Variants in ANXA5 observed in about 807,000 individuals in gnomAD.
ANXA5 encodes CBP-I.
ANXA5 carries 40 observed loss-of-function variants against 48.1 expected under a neutral mutation model. The ratio of observed to expected loss-of-function variants is 0.83; its 90% CI spans 0.65 to 1.08. The LOEUF is 1.08. Among genes scored for constraint, ANXA5 ranks in the 50% least tolerant of loss-of-function variants. The pLI is 0.00. For missense variants in ANXA5, 357 were observed against 376.8 expected (o/e 0.95, Z 0.44); for synonymous variants, 113 against 129.1 (o/e 0.88, Z 0.85).
Position 121,696,633 on chromosome 4 carries a change from G to C in ANXA5, c.-35-9C>G. 3.6e-6 allele frequency: 5 copies of C among 1,379,778 alleles called. No homozygotes were observed. The highest frequency in any genetic ancestry group is 4.7e-6 in the Non-Finnish European group (5 of 1,055,938). 85.5% of individuals were successfully genotyped at this position (1,379,778 alleles called of 1,614,324 possible). On this transcript the variant is annotated splice_polypyrimidine_tract_variant and intron_variant, in intron 1 of 12. Transcript: ENST00000296511. ...GGGAAGGTGAAGCAGGACTGCAAAAGAGAAGAAACCTCGGGCTTAGCGCGC... is the reference window on the plus strand; with the variant it reads ...GGGAAGGTGAAGCAGGACTGCAAAACAGAAGAAACCTCGGGCTTAGCGCGC...
Position 121,684,663 on chromosome 4 carries a change from A to G in ANXA5, c.189+14T>C. ...TGTTCTCCCATTCTCTCTTGGGATG[A>G]AGTGTGGTCTTACCCTGCCAAACAG... is the stretch of plus-strand genomic sequence containing the variant. On this transcript the variant is annotated intron_variant, in intron 4 of 12. Coordinates refer to ENST00000296511, the MANE Select transcript of ANXA5 (RefSeq NM_001154.4). The G allele has an allele frequency of 6.2e-7, 1 of 1,608,896 alleles. No homozygotes were observed. Among genetic ancestry groups the G allele is most frequent in the Non-Finnish European group, 8.5e-7 (1 of 1,175,802 alleles).
At position 121,689,215 on chromosome 4, in the gene ANXA5, T is replaced by C. The variant is rs192222412; in HGVS notation, c.10-2843A>G. Reference sequence around the variant, plus strand: ...TTCTCTTTAATGAGACCACTTCAAATTGATCAGTATCATTGTAAAAATGAA... The same window carrying C: ...TTCTCTTTAATGAGACCACTTCAAACTGATCAGTATCATTGTAAAAATGAA... On this transcript the variant is annotated intron_variant, in intron 2 of 12. Coordinates refer to ENST00000296511, the MANE Select transcript of ANXA5 (RefSeq NM_001154.4). Among the ~76,000 whole-genome samples the C allele has an allele frequency of 1.7e-3, 259 of 152,330 alleles. 1 individual carries two copies. The highest frequency in any genetic ancestry group is 6.8e-3 in the Middle Eastern group (2 of 294).
chr4:121,668,353 G>T lies in ANXA5; in HGVS notation c.*115C>A. ...ACGTGTATGTGTTGGTCATGAGCAT[G>T]CTAGTATGAATAAGGCAATGTGTTA... On this transcript the variant is annotated 3_prime_UTR_variant, in exon 13 of 13. Coordinates refer to ENST00000296511, the MANE Select transcript of ANXA5 (RefSeq NM_001154.4). 1 of 859,436 alleles carries T rather than the reference G, an allele frequency of 1.2e-6. No individual in the cohort carries two copies. 53.2% of individuals were successfully genotyped at this position (859,436 alleles called of 1,614,324 possible). A position where few individuals can be genotyped will look rare whatever the true frequency, so the allele number is the denominator to read the frequency against.
intron 5 of ANXA5, 150 bp from the exon 6 acceptor site, chr4:121,681,911 T>C (rs1299814711): frequency 3.5e-6 from 2 of 563,690 alleles, no homozygotes; most frequent in African/African-American, 1.9e-5. Flanking sequence ...CTATTAGTTA[T>C]AGAAATAACA....
At chr4:121,692,763 C>T (rs1725007819) in intron 2 of ANXA5, among the ~76,000 whole-genome samples, 1 of 152,198 alleles carries the variant, frequency 6.6e-6, no homozygotes, top group African/African-American at 2.4e-5. Flanking sequence ...ATTTCCAAAA[C>T]TGTGTTATGA....
rs1243067638 is a variant in ANXA5, at chr4:121,671,551, A to G, written c.717T>C (p.Ala239=). The G allele has an allele frequency of 3.7e-6, 6 of 1,609,652 alleles. No individual in the cohort carries two copies. The highest frequency in any genetic ancestry group is 1.7e-6 in the Non-Finnish European group (2 of 1,176,184). ...AATACATTGTAAATCACCTACCAAC[A>G]GCAAGGAGTAGTTGCTCTAAATTGC... is the stretch of plus-strand genomic sequence containing the variant. ...TSGNLEQLLL[A]VVKSIRSIPA... The change falls in exon 10 of 13, where the codon GCT becomes GCC. Residue 239 remains alanine, a synonymous_variant. Transcript: ENST00000296511.
intron 4 of ANXA5, 57 bp from the exon 5 acceptor site, chr4:121,683,534 T>C: frequency 9.8e-6 from 10 of 1,015,332 alleles, no homozygotes; most frequent in Non-Finnish European, 1.4e-5. Flanking sequence ...AAGATTCTTC[T>C]TAAATATGAA....
chr4:121,695,812 A>T (rs1725069613), intron 2 of ANXA5, among the ~76,000 whole-genome samples: 1 of 151,638 alleles, frequency 6.6e-6, no homozygotes, highest in Non-Finnish European at 1.5e-5. Context: ...AGACACGAGA[A>T]TTGCTTGAAC....
chr4:121,669,531 T>C, intron 12 of ANXA5, 71 bp downstream of exon 12: 2 of 1,577,686 alleles, frequency 1.3e-6, no homozygotes, highest in Non-Finnish European at 8.7e-7. Context: ...GGTTCTCTTA[T>C]CCTTGTCTTT....
Position 121,668,266 on chromosome 4 carries a change from C to G in ANXA5, c.*202G>C, listed in dbSNP as rs1724553784. On this transcript the variant is annotated 3_prime_UTR_variant, in exon 13 of 13. Transcript: ENST00000296511. ...TAGTAACATTAAGTACACTTTAGTA[C>G]TACAGCAGTCAAAGAGATCTCCACT... 1 of 533,954 alleles carries G rather than the reference C, an allele frequency of 1.9e-6. No homozygotes were observed. The highest frequency in any genetic ancestry group is 3.3e-6 in the Non-Finnish European group (1 of 298,830). The allele number at this position is 533,954 out of a possible 1,614,324, so 33.1% of individuals were successfully genotyped here.
chr4:121,681,586 T>C, intron 6 of ANXA5, 85 bp downstream of exon 6: 1 of 840,512 alleles, frequency 1.2e-6, no homozygotes, highest in South Asian at 1.7e-5. Context: ...GTGCCTCCCA[T>C]ACCTACAAAG....
At chr4:121,670,372 TG>T (rs1174499440) in intron 10 of ANXA5, among the ~76,000 whole-genome samples, 2 of 152,214 alleles carry the variant, frequency 1.3e-5, no homozygotes, top group African/African-American at 4.8e-5. Context: ...ACAAATCCCT[TG>T]GAAGTTTTCA....
intron 2 of ANXA5, among the ~76,000 whole-genome samples, chr4:121,694,742 C>A (rs1290899451): frequency 6.6e-6 from 1 of 152,144 alleles, no homozygotes; most frequent in Non-Finnish European, 1.5e-5. Context: ...AGTAACAAAA[C>A]TAGAACAAAA....
chr4:121,694,619 G>A (rs113361820), intron 2 of ANXA5, among the ~76,000 whole-genome samples: 13 of 152,198 alleles, frequency 8.5e-5, no homozygotes, highest in African/African-American at 2.2e-4. Flanking sequence ...TCCTGACCTC[G>A]TGATCCACGT....
intron 5 of ANXA5, among the ~76,000 whole-genome samples, chr4:121,683,016 T>TA (rs1473636313): frequency 1.3e-5 from 2 of 152,168 alleles, no homozygotes; most frequent in African/African-American, 2.4e-5. Context: ...TATGGTTCCC[T>TA]AATCAGGCAA....
At chr4:121,687,042 C>T (rs973610724) in intron 2 of ANXA5, among the ~76,000 whole-genome samples, 4 of 152,184 alleles carry the variant, frequency 2.6e-5, no homozygotes, top group East Asian at 3.8e-4. Flanking sequence ...CGCAGTGGCT[C>T]ACGCCTGTAA....
intron 9 of ANXA5, 104 bp from the exon 10 acceptor site, chr4:121,671,746 C>T: frequency 2.6e-6 from 2 of 769,620 alleles, no homozygotes; most frequent in Middle Eastern, 3.4e-4. Flanking sequence ...CAAATCTCCC[C>T]TTCTTCCTTG....
At chr4:121,680,722 G>A (rs1234342380) in intron 6 of ANXA5, among the ~76,000 whole-genome samples, 1 of 152,130 alleles carries the variant, frequency 6.6e-6, no homozygotes, top group Non-Finnish European at 1.5e-5. Flanking sequence ...AACATCCCCA[G>A]AAAGAGATCT....
chr4:121,678,413 A>G lies in ANXA5; in HGVS notation c.474+2T>C, dbSNP rs1287473011. On this transcript the variant is annotated splice_donor_variant, in intron 7 of 12. Coordinates refer to ENST00000296511, the MANE Select transcript of ANXA5 (RefSeq NM_001154.4). LOFTEE classifies it high-confidence loss of function. ...AAACTGTAATTAATCTCCACGCAAT[A>G]CCTGAAGGAGAACCACCAACATCCG... 10 of 1,612,556 alleles carry G rather than the reference A, an allele frequency of 6.2e-6. No individual in the cohort carries two copies. Among genetic ancestry groups the G allele is most frequent in the South Asian group, 5.5e-5 (5 of 90,724 alleles).
Sources: allele counts gnomAD v4.1 joint callset (sites outside exome capture counted in the v4.1 genomes callset), GRCh38; gene constraint gnomAD v4.1.1; transcripts MANE v1.5; gene names NCBI Gene and HGNC (gene_info 2026-07-23, HGNC 2026-07-21).